The following VAV2 variants were observed in gnomAD, a reference collection of about 807,000 sequenced individuals.
VAV2 encodes guanine nucleotide exchange factor VAV2.
A neutral mutation model predicts 132.5 loss-of-function variants in VAV2; 67 were observed. The ratio of observed to expected loss-of-function variants is 0.51; its 90% confidence interval spans 0.42 to 0.62. The LOEUF (loss-of-function observed/expected upper bound fraction) is 0.62. VAV2 is among the 20% of genes least tolerant of loss of function. The probability of loss-of-function intolerance (pLI) is 0.00; values close to 1 mark genes in which losing one functional copy is unlikely to be tolerated. For missense variants in VAV2, 938 were observed against 1,153.6 expected, an observed-to-expected ratio of 0.81 and a Z score of 2.71; for synonymous variants, 492 against 443.5, an observed-to-expected ratio of 1.11 and a Z score of -1.37.
At chr9:133,841,654 A>C (rs1424108436) in intron 3 of VAV2, among the ~76,000 whole-genome samples, 1 of 152,144 alleles carries the variant, frequency 6.6e-6, no homozygotes, top group Non-Finnish European at 1.5e-5. Flanking sequence ...CCAGCACCTC[A>C]ACTGTGCTCA....
intron 1 of VAV2, among the ~76,000 whole-genome samples, chr9:133,940,316 T>C (rs1235779164): frequency 3.3e-5 from 5 of 152,136 alleles, no homozygotes; most frequent in Non-Finnish European, 7.4e-5. Context: ...GAGCCCAGGA[T>C]TGTCATCCTC....
At position 133,764,081 on chromosome 9, in the gene VAV2, T is replaced by C; in HGVS notation, c.2618A>G (p.Glu873Gly). The C allele has an allele frequency of 6.2e-7, 1 of 1,613,958 alleles. No homozygotes were observed. Among genetic ancestry groups the C allele is most frequent in the Non-Finnish European group, 8.5e-7 (1 of 1,179,940 alleles). The change falls in exon 30 of 30, where the codon GAA (glutamate) becomes GGA (glycine). Residue 873 changes from glutamate to glycine, a missense_variant. Transcript: ENST00000371850. ...CTGCCGTCACTGGATGCCCTCCTCTTCTACGTACGTTGAAGGAAACCAGCC... is the reference window on the plus strand; with the variant it reads ...CTGCCGTCACTGGATGCCCTCCTCTCCTACGTACGTTGAAGGAAACCAGCC... ...RIGWFPSTYVEEEGIQ is the reference protein window; with the variant it reads ...RIGWFPSTYVGEEGIQ
chr9:133,800,463 G>C (rs1410067709), intron 9 of VAV2, among the ~76,000 whole-genome samples: 1 of 152,200 alleles, frequency 6.6e-6, no homozygotes, highest in East Asian at 1.9e-4. Context: ...GCTGCTGCTG[G>C]GGCTGGGGCC....
At chr9:133,783,289 G>A (rs766112904) in intron 19 of VAV2, among the ~76,000 whole-genome samples, 6 of 152,136 alleles carry the variant, frequency 3.9e-5, no homozygotes, top group Non-Finnish European at 5.9e-5. Context: ...AGGAGAGAGG[G>A]CTTGGAATGG....
At chr9:133,855,274 T>A (rs1323394208) in intron 3 of VAV2, among the ~76,000 whole-genome samples, 1 of 152,182 alleles carries the variant, frequency 6.6e-6, no homozygotes, top group East Asian at 1.9e-4. Context: ...CACGGAGGTG[T>A]GGGAACTGCA....
At position 133,826,092 on chromosome 9, in the gene VAV2, T is replaced by C. The variant is rs1037604354; in HGVS notation, c.449+8180A>G. 6.6e-6 allele frequency among the ~76,000 whole-genome samples: 1 copy of C among 152,242 alleles called. No homozygotes were observed. Among genetic ancestry groups the C allele is most frequent in the African/African-American group, 2.4e-5 (1 of 41,458 alleles). On this transcript the variant is annotated intron_variant, in intron 4 of 29. Transcript: ENST00000371850. This position sits in a 1 kb window ranked among gnomAD's most constrained non-coding sequence, Gnocchi z 4.2. ...TCCCAGGAAAGTGAAACCAGTGTTA[T>C]GCAAAGCAGGCTCCTAAATCATAAA...
At position 133,918,511 on chromosome 9, in the gene VAV2, A is replaced by G. The variant is rs1439428430; in HGVS notation, c.321+20592T>C. On this transcript the variant is annotated intron_variant, in intron 2 of 29. Coordinates refer to ENST00000371850, the MANE Select transcript of VAV2 (RefSeq NM_001134398.2). The surrounding 1 kb of genome is among the most constrained non-coding windows in gnomAD (Gnocchi z 4.7). Reference sequence around the variant, plus strand: ...GTCAGCCTGGAATCTCTGAGCCCCAACTAGTGCCAGGACAGTGCCAAGTCC... The same window carrying G: ...GTCAGCCTGGAATCTCTGAGCCCCAGCTAGTGCCAGGACAGTGCCAAGTCC... Among the ~76,000 whole-genome samples the G allele has an allele frequency of 6.8e-6, 1 of 146,214 alleles. No homozygotes were observed. Among genetic ancestry groups the G allele is most frequent in the African/African-American group, 2.7e-5 (1 of 37,336 alleles).
rs73662356 is a variant in VAV2 at position 133,977,281 on chromosome 9, T to G, written c.204+14794A>C. ...AGCTGTAGATGGAACAGCTCAGATCTGAAGGGGGTCTTGGCTTTCACCAAA... is the reference window on the plus strand; with the variant it reads ...AGCTGTAGATGGAACAGCTCAGATCGGAAGGGGGTCTTGGCTTTCACCAAA... On this transcript the variant is annotated intron_variant, in intron 1 of 29. Transcript: ENST00000371850. Among the ~76,000 whole-genome samples the G allele has an allele frequency of 3.0e-3, 453 of 152,308 alleles. 3 individuals are homozygous for G. The highest frequency in any genetic ancestry group is 0.01 in the African/African-American group (428 of 41,562).
chr9:133,943,663 TG>T (rs917095836), intron 1 of VAV2, among the ~76,000 whole-genome samples: 5 of 152,266 alleles, frequency 3.3e-5, no homozygotes, highest in Non-Finnish European at 5.9e-5. Context: ...GTCCCCACTG[TG>T]TTTGTTTAGG....
chr9:133,874,234 T>C (rs899750036), intron 2 of VAV2, among the ~76,000 whole-genome samples: 1 of 152,226 alleles, frequency 6.6e-6, no homozygotes, highest in Non-Finnish European at 1.5e-5. Flanking sequence ...CCAGTAAACC[T>C]GTCCCAGCAA....
intron 2 of VAV2, among the ~76,000 whole-genome samples, chr9:133,865,788 G>A (rs530245442): frequency 2.0e-5 from 3 of 152,320 alleles, no homozygotes; most frequent in African/African-American, 7.2e-5. Context: ...ATAAACACAC[G>A]TATATATTGT....
At chr9:133,829,963 C>T (rs1836200694) in intron 4 of VAV2, among the ~76,000 whole-genome samples, 1 of 152,148 alleles carries the variant, frequency 6.6e-6, no homozygotes, top group Non-Finnish European at 1.5e-5. Context: ...GTTTCCAGCT[C>T]CTGGTTCCAA....
chr9:133,958,312 G>GATTGTAC (rs1841855836), intron 1 of VAV2, among the ~76,000 whole-genome samples: 1 of 142,014 alleles, frequency 7.0e-6, no homozygotes, highest in African/African-American at 2.5e-5. Context: ...GTATAAAACC[G>GATTGTAC]GATTGTACGT....
At chr9:133,859,435 G>A (rs1210750353) in intron 3 of VAV2, among the ~76,000 whole-genome samples, 2 of 152,198 alleles carry the variant, frequency 1.3e-5, no homozygotes, top group Non-Finnish European at 1.5e-5. Flanking sequence ...ATGCCAAGCC[G>A]GGCCAATTGC....
chr9:133,784,544 C>A, intron 17 of VAV2, 126 bp from the exon 18 acceptor site: 4 of 1,009,616 alleles, frequency 4.0e-6, no homozygotes, highest in African/African-American at 1.6e-5. Flanking sequence ...GCCTGGACTC[C>A]AAGCCTGGCT....
At position 133,969,989 on chromosome 9, in the gene VAV2, TCA is replaced by T. The variant is rs908238179; in HGVS notation, c.204+22084_204+22085del. On this transcript the variant is annotated intron_variant, in intron 1 of 29. Coordinates refer to ENST00000371850, the MANE Select transcript of VAV2 (RefSeq NM_001134398.2). The surrounding 1 kb of genome is among the most constrained non-coding windows in gnomAD (Gnocchi z 5.1). ...TCCCTGCAGCCTTCAAGGCAGTGAC[TCA>T]GAGTTCCTGCCACCCCCCAGACGTG... 1.1e-4 allele frequency among the ~76,000 whole-genome samples: 16 copies of T among 152,036 alleles called. No individual in the cohort carries two copies. Among genetic ancestry groups the T allele is most frequent in the Non-Finnish European group, 2.4e-4 (16 of 67,936 alleles).
In VAV2 at chr9:133,776,794, C is replaced by T. The variant is rs145576948; in HGVS notation, c.1965+595G>A. Among the ~76,000 whole-genome samples the T allele has an allele frequency of 5.4e-3, 827 of 152,224 alleles. 6 individuals carry two copies. The highest frequency in any genetic ancestry group is 0.019 in the African/African-American group (782 of 41,550). The stretch of plus-strand genomic sequence containing the variant: ...TGGGGTCGGGGAGCACCGGGGCTGC[C>T]GCAGTGGGGTTGGGAACCCACCCCT... On this transcript the variant is annotated intron_variant, in intron 23 of 29. Coordinates refer to ENST00000371850, the MANE Select transcript of VAV2 (RefSeq NM_001134398.2).
intron 2 of VAV2, among the ~76,000 whole-genome samples, chr9:133,934,060 T>C (rs2810518): frequency 0.8 from 119,019 of 147,920 alleles, 49,057 homozygotes; most frequent in East Asian, 0.92. Flanking sequence ...AGATGAATGA[T>C]TGATGGATAG....
chr9:133,929,698 C>G (rs976210902), intron 2 of VAV2, among the ~76,000 whole-genome samples: 3 of 152,122 alleles, frequency 2.0e-5, no homozygotes, highest in Non-Finnish European at 4.4e-5. Context: ...CACAGCTGCC[C>G]GTCCATCATC....
Sources: gnomAD v4.1 joint callset for allele counts (sites outside exome capture counted in the v4.1 genomes callset) on GRCh38, gnomAD v4.1.1 for gene constraint, Gnocchi (gnomAD v3.1) non-coding constraint, MANE v1.5 for transcripts, NCBI Gene and HGNC (gene_info 2026-07-23, HGNC 2026-07-21) for gene names.